DNAAF4: variants seen among roughly 807,000 people sequenced by gnomAD.
DNAAF4 encodes the protein dynein axonemal assembly factor 4.
Under a neutral mutation model 51.8 loss-of-function variants are expected in DNAAF4, and 43 were observed. That is an observed-to-expected ratio of 0.83 (90% confidence interval 0.65 to 1.07). The LOEUF (loss-of-function observed/expected upper bound fraction) is 1.07, where lower values mean the gene tolerates loss of function less well. DNAAF4 is among the 50% of genes least tolerant of loss of function. The pLI is 0.00. For synonymous variants in DNAAF4, 194 were observed against 165.6 expected (o/e 1.17, Z -1.32); for missense variants, 581 against 493.0 (o/e 1.18, Z -1.69).
intron 4 of DNAAF4, among the ~76,000 whole-genome samples, chr15:55,487,239 TACCAATCAGCACTCTGCAAAAATGC>T (rs1157159370): frequency 6.6e-6 from 1 of 151,718 alleles, no homozygotes; most frequent in African/African-American, 2.4e-5. Context: ...ATTGTAAACA[TACCAATCAGCACTCTGCAAAAATGC>T]ACCAATCAGT....
chr15:55,432,671 C>G (rs994282877), intron 8 of DNAAF4, 69 bp from the exon 9 acceptor site: 3 of 1,394,096 alleles, frequency 2.2e-6, no homozygotes, highest in Non-Finnish European at 3.0e-6. Context: ...AAAGGCTGGG[C>G]ATGGTGGCTC....
intron 4 of DNAAF4, among the ~76,000 whole-genome samples, chr15:55,489,029 CA>C (rs1425764102): frequency 1.3e-5 from 2 of 151,330 alleles, no homozygotes; most frequent in Non-Finnish European, 2.9e-5. Flanking sequence ...GCAGAGCTTG[CA>C]GTGAGCTGAG....
At position 55,498,517 on chromosome 15, in the gene DNAAF4, G is replaced by C. The variant is rs986632257; in HGVS notation, c.-188C>G. 1 of 580,462 alleles carries C rather than the reference G, an allele frequency of 1.7e-6. No homozygotes were observed. The highest frequency in any genetic ancestry group is 2.0e-5 in the African/African-American group (1 of 49,342). The allele number at this position is 580,462 out of a possible 1,614,324, so 36.0% of individuals were successfully genotyped here. A position where few individuals can be genotyped will look rare whatever the true frequency, so the allele number is the denominator to read the frequency against. ...TGACTATCCAGGCGCCCAGACCAGA[G>C]AGTGATGCCGATTCTTGGGGTTACC... On this transcript the variant is annotated 5_prime_UTR_variant, in exon 2 of 10. Transcript: ENST00000321149.
At chr15:55,454,981 TATAG>T (rs2057995461) in intron 5 of DNAAF4, among the ~76,000 whole-genome samples, 2 of 151,602 alleles carry the variant, frequency 1.3e-5, no homozygotes, top group East Asian at 3.9e-4. Flanking sequence ...ATTATATAAT[TATAG>T]ATAAAGTACA....
At chr15:55,428,897 G>A (rs985538878), downstream of DNAAF4, among the ~76,000 whole-genome samples, 3 of 152,020 alleles carry the variant, frequency 2.0e-5, no homozygotes, top group Admixed American at 6.6e-5. Context: ...TGATTCATGA[G>A]TCACTGATAA....
At position 55,430,780 on chromosome 15, in the gene DNAAF4, C is replaced by T. The variant is rs768899700; in HGVS notation, c.1154-1G>A. 6.2e-7 allele frequency: 1 copy of T among 1,606,862 alleles called. No individual in the cohort carries two copies. Among genetic ancestry groups the T allele is most frequent in the Non-Finnish European group, 8.5e-7 (1 of 1,174,346 alleles). ...AGTGCCGCTTCATAATCCTGTAGGCCTGTGTTTATATAGCAATGATGATTA... is the reference window on the plus strand; with the variant it reads ...AGTGCCGCTTCATAATCCTGTAGGCTTGTGTTTATATAGCAATGATGATTA... On this transcript the variant is annotated splice_acceptor_variant, in intron 9 of 9. Transcript: ENST00000321149. LOFTEE classifies it high-confidence loss of function.
chr15:55,447,430 G>T (rs142971785), intron 6 of DNAAF4, among the ~76,000 whole-genome samples: 7,822 of 152,004 alleles, frequency 0.051, 299 homozygotes, highest in South Asian at 0.098. Flanking sequence ...CAGGCGGCTG[G>T]GAGGTGGAGG....
intron 9 of DNAAF4, 36 bp downstream of exon 9, chr15:55,432,461 A>C: frequency 6.5e-7 from 1 of 1,535,430 alleles, no homozygotes; most frequent in Non-Finnish European, 9.0e-7. Flanking sequence ...TTCAGAGTAT[A>C]ACTTGGGACT....
intron 4 of DNAAF4, among the ~76,000 whole-genome samples, chr15:55,482,644 A>G (rs576151782): frequency 2.0e-5 from 3 of 152,276 alleles, no homozygotes; most frequent in African/African-American, 7.2e-5. Flanking sequence ...ATGCCATTGC[A>G]CTCCAGCCTG....
Position 55,434,999 on chromosome 15 carries a change from C to T in DNAAF4, c.953G>A (p.Arg318Lys), listed in dbSNP as rs1369158403. The T allele has an allele frequency of 1.2e-6, 2 of 1,612,522 alleles. No individual in the cohort carries two copies. The highest frequency in any genetic ancestry group is 1.7e-6 in the Non-Finnish European group (2 of 1,179,646). ...AAINAYNLAI[R>K]LNNKMPLLYL... ...CAATAGTGGCATCTTATTATTTAGT[C>T]TTATGGCTAAATTATATGCATTGAT... is the stretch of plus-strand genomic sequence containing the variant. Residue 318 changes from arginine to lysine, a missense_variant, in exon 8 of 10, where the codon AGA (arginine) becomes AAA (lysine). Transcript: ENST00000321149.
At chr15:55,479,161 C>T (rs1198687210) in intron 4 of DNAAF4, among the ~76,000 whole-genome samples, 3 of 151,002 alleles carry the variant, frequency 2.0e-5, no homozygotes, top group Admixed American at 6.7e-5. Context: ...ACAAAAATAG[C>T]TCTGGGTGTT....
At chr15:55,430,108 T>G (rs2057472145), downstream of DNAAF4, among the ~76,000 whole-genome samples, 2 of 152,168 alleles carry the variant, frequency 1.3e-5, no homozygotes, top group Non-Finnish European at 2.9e-5. Context: ...AGCCTATAAA[T>G]GAAGTTGAAT....
At position 55,497,726 on chromosome 15, in the gene DNAAF4, A is replaced by G; in HGVS notation, c.257T>C (p.Leu86Pro). 2 of 1,608,756 alleles carry G rather than the reference A, an allele frequency of 1.2e-6. No individual in the cohort carries two copies. The highest frequency in any genetic ancestry group is 1.7e-6 in the Non-Finnish European group (2 of 1,178,390). ...AAAGAACTTACCACCCGTCACAGAAAGGGTCTCCCACATGGCCGCTTCTTT... is the reference window on the plus strand; with the variant it reads ...AAAGAACTTACCACCCGTCACAGAAGGGGTCTCCCACATGGCCGCTTCTTT... ...YKKEAAMWETLSVTGVDKEMM... is the reference protein window; with the variant it reads ...YKKEAAMWETPSVTGVDKEMM... Residue 86 changes from leucine to proline, a missense_variant, in exon 3 of 10, where the codon CTT becomes CCT. Transcript: ENST00000321149.
chr15:55,430,288 T>C (rs1186113218), downstream of DNAAF4: 17 of 673,952 alleles, frequency 2.5e-5, no homozygotes, highest in Non-Finnish European at 3.1e-5. Flanking sequence ...AATTAAATGG[T>C]ATATTAATAC....
At chr15:55,451,504 C>G (rs1043303626) in intron 5 of DNAAF4, among the ~76,000 whole-genome samples, 1 of 152,012 alleles carries the variant, frequency 6.6e-6, no homozygotes, top group Non-Finnish European at 1.5e-5. Flanking sequence ...ATAAATGTTC[C>G]AGAACACAGA....
intron 4 of DNAAF4, 108 bp downstream of exon 4, chr15:55,491,015 A>G (rs1411004736): frequency 3.3e-5 from 45 of 1,373,574 alleles, no homozygotes; most frequent in Non-Finnish European, 4.2e-5. Flanking sequence ...AAGTCCTCTA[A>G]ACAAAGTATG....
At position 55,450,234 on chromosome 15, in the gene DNAAF4, T is replaced by C. The variant is rs755982595; in HGVS notation, c.771A>G (p.Ala257=). 1.6e-5 allele frequency: 25 copies of C among 1,610,930 alleles called. No individual in the cohort carries two copies. Among genetic ancestry groups the C allele is most frequent in the Non-Finnish European group, 2.0e-5 (24 of 1,179,332 alleles). Residue 257 remains alanine, a synonymous_variant, in exon 6 of 10, where the codon GCA becomes GCG. Coordinates refer to ENST00000321149, the MANE Select transcript of DNAAF4 (RefSeq NM_130810.4). ...FPTALRESQV[A]EEEEWLHKQA... Reference sequence around the variant, plus strand: ...TAAGTATATATACCTCCTCCTCTTCTGCTACTTGTGATTCACGAAGAGCTG... The same window carrying C: ...TAAGTATATATACCTCCTCCTCTTCCGCTACTTGTGATTCACGAAGAGCTG...
chr15:55,477,349 C>G (rs1278821509), intron 4 of DNAAF4, among the ~76,000 whole-genome samples: 1 of 151,996 alleles, frequency 6.6e-6, no homozygotes, highest in Non-Finnish European at 1.5e-5. Context: ...GCTTTCTACT[C>G]TTTATTTATT....
intron 1 of DNAAF4, 67 bp from the exon 2 acceptor site, chr15:55,498,651 A>C: frequency 4.6e-6 from 1 of 216,744 alleles, no homozygotes; most frequent in Non-Finnish European, 8.9e-6. Flanking sequence ...CACGCCTGTA[A>C]TCCCAGAACT....
Sources: allele counts gnomAD v4.1 joint callset (sites outside exome capture counted in the v4.1 genomes callset), GRCh38; gene constraint gnomAD v4.1.1; transcripts MANE v1.5; gene names NCBI Gene and HGNC (gene_info 2026-07-23, HGNC 2026-07-21).